The following TMPRSS11A variants were observed in gnomAD, a reference collection of about 807,000 sequenced individuals.
TMPRSS11A encodes the protein transmembrane protease serine 11A.
In TMPRSS11A, 53 loss-of-function variants were observed where a neutral mutation model predicts 58.9. The observed-to-expected ratio is 0.90, with a 90% confidence interval of 0.72 to 1.13. The LOEUF (loss-of-function observed/expected upper bound fraction) is 1.13, where lower values mean the gene tolerates loss of function less well. Among genes scored for constraint, TMPRSS11A ranks in the 50% most tolerant of loss-of-function variants. The probability of loss-of-function intolerance (pLI) is 0.00; values close to 1 mark genes in which losing one functional copy is unlikely to be tolerated. For synonymous variants in TMPRSS11A, 167 were observed against 169.8 expected (o/e 0.98, Z 0.13); for missense variants, 493 against 499.3 (o/e 0.99, Z 0.12).
chr4:67,922,276 A>C (rs185150758), intron 7 of TMPRSS11A, among the ~76,000 whole-genome samples: 2 of 152,340 alleles, frequency 1.3e-5, no homozygotes, highest in Non-Finnish European at 1.5e-5. Context: ...TCAATGCTCT[A>C]AATTTGATCT....
intron 5 of TMPRSS11A, among the ~76,000 whole-genome samples, chr4:67,927,107 C>T (rs907235484): frequency 6.6e-6 from 1 of 152,194 alleles, no homozygotes; most frequent in African/African-American, 2.4e-5. Context: ...CTTGCTCACC[C>T]TCCACTTGTC....
chr4:67,957,579 G>T (rs530921677), intron 1 of TMPRSS11A, among the ~76,000 whole-genome samples: 3 of 152,154 alleles, frequency 2.0e-5, no homozygotes, highest in South Asian at 2.1e-4. Flanking sequence ...CATCCAAAAG[G>T]TTACTTGGGT....
chr4:67,928,371 C>T (rs1720528192), intron 5 of TMPRSS11A, among the ~76,000 whole-genome samples: 1 of 152,146 alleles, frequency 6.6e-6, no homozygotes, highest in Non-Finnish European at 1.5e-5. Context: ...ATCAGGTTCT[C>T]CATTAGCATA....
At chr4:67,946,965 ATCTTTTG>A (rs771656146) in intron 1 of TMPRSS11A, among the ~76,000 whole-genome samples, 61 of 152,170 alleles carry the variant, frequency 4.0e-4, no homozygotes, top group Admixed American at 6.5e-4. Context: ...ATTTATTTTT[ATCTTTTG>A]TCTTTTATTT....
rs1037145553 is a variant in TMPRSS11A at position 67,918,979 on chromosome 4, A to G, written c.946T>C (p.Tyr316His). Residue 316 changes from tyrosine to histidine, a missense_variant, in exon 8 of 10, where the codon TAT (tyrosine) becomes CAT (histidine). Tyr to His is a moderately conservative substitution (Grantham distance 83). Transcript: ENST00000508048. ...VHITGFGALYYGGESQNDLRE... is the reference protein window; with the variant it reads ...VHITGFGALYHGGESQNDLRE... The stretch of plus-strand genomic sequence containing the variant: ...GCTATCCTGAGATACCCACCACCAT[A>G]GTAAAGTGCTCCAAATCCTGTGATG... 1 of 1,614,134 alleles carries G rather than the reference A, an allele frequency of 6.2e-7. No homozygotes were observed. Among genetic ancestry groups the G allele is most frequent in the Non-Finnish European group, 8.5e-7 (1 of 1,179,994 alleles).
intron 3 of TMPRSS11A, among the ~76,000 whole-genome samples, chr4:67,933,913 CTT>C (rs1161674972): frequency 6.6e-6 from 1 of 152,152 alleles, no homozygotes; most frequent in Admixed American, 6.6e-5. Context: ...CCATTTGTAA[CTT>C]TTTGGTGAAG....
intron 1 of TMPRSS11A, among the ~76,000 whole-genome samples, chr4:67,950,101 C>A (rs927131890): frequency 2.0e-5 from 3 of 152,198 alleles, no homozygotes; most frequent in Non-Finnish European, 4.4e-5. Flanking sequence ...CAGATCAAAG[C>A]AACACCTATT....
In TMPRSS11A at chr4:67,914,616, T is replaced by C; in HGVS notation, c.1067A>G (p.Tyr356Cys). The C allele has an allele frequency of 6.2e-7, 1 of 1,613,782 alleles. No homozygotes were observed. ...DIKPGMFCAG[Y>C]MEGIYDACRG... ...GCAGGCATCATAAATTCCTTCCATA[T>C]ATCCGGCACAGAACATTCCAGGTTT... The change falls in exon 9 of 10, where the codon TAT (tyrosine) becomes TGT (cysteine). Residue 356 changes from tyrosine to cysteine, a missense_variant. Physicochemically the swap from Tyr to Cys is radical, Grantham distance 194. Coordinates refer to ENST00000508048, the MANE Select transcript of TMPRSS11A (RefSeq NM_001114387.2).
intron 3 of TMPRSS11A, among the ~76,000 whole-genome samples, chr4:67,934,161 C>G (rs1243163874): frequency 6.6e-6 from 1 of 152,116 alleles, no homozygotes; most frequent in Non-Finnish European, 1.5e-5. Flanking sequence ...GTCTCATTTA[C>G]TACATCGGAG....
Position 67,963,404 on chromosome 4 carries a change from A to T in TMPRSS11A, c.-11T>A. On this transcript the variant is annotated 5_prime_UTR_variant, in exon 1 of 10. Transcript: ENST00000508048. ...TTACCGATACATCATGTACAGGAGGAAGAATATGATCTTGCAGGTCTGCAC... is the reference window on the plus strand; with the variant it reads ...TTACCGATACATCATGTACAGGAGGTAGAATATGATCTTGCAGGTCTGCAC... 6.2e-7 allele frequency: 1 copy of T among 1,613,790 alleles called. No individual in the cohort carries two copies.
At chr4:67,925,445 T>G (rs760474956) in intron 5 of TMPRSS11A, among the ~76,000 whole-genome samples, 1 of 152,358 alleles carries the variant, frequency 6.6e-6, no homozygotes, top group South Asian at 2.1e-4. Context: ...ACATTCTCAG[T>G]ATTCTATTCC....
At chr4:67,929,828 A>G in intron 5 of TMPRSS11A, 52 bp downstream of exon 5, 1 of 1,419,308 alleles carries the variant, frequency 7.0e-7, no homozygotes. Context: ...AGATTCGTCA[A>G]AACATGGACC....
At chr4:67,943,300 T>TTC (rs1560571375) in intron 3 of TMPRSS11A, among the ~76,000 whole-genome samples, 2 of 152,090 alleles carry the variant, frequency 1.3e-5, no homozygotes, top group Admixed American at 1.3e-4. Context: ...ACAGAATTGC[T>TTC]TAGTTAACTT....
At chr4:67,943,753 T>C (rs1481978998) in intron 3 of TMPRSS11A, among the ~76,000 whole-genome samples, 2 of 152,188 alleles carry the variant, frequency 1.3e-5, no homozygotes, top group African/African-American at 2.4e-5. Flanking sequence ...AGGTATACTA[T>C]GGACAAAGAG....
chr4:67,919,174 T>A lies in TMPRSS11A; in HGVS notation c.751A>T (p.Met251Leu). 6.2e-7 allele frequency: 1 copy of A among 1,614,154 alleles called. No individual in the cohort carries two copies. The highest frequency in any genetic ancestry group is 1.1e-5 in the South Asian group (1 of 91,088). ...SFGTKINPPL[M>L]KRNVRRFIIH... ...ATAAATCTTCTGACATTTCTTTTCATTAAGGGAGGGTTGATTTTTGTTCCA... is the reference window on the plus strand; with the variant it reads ...ATAAATCTTCTGACATTTCTTTTCAATAAGGGAGGGTTGATTTTTGTTCCA... The change falls in exon 8 of 10, where the codon ATG (methionine) becomes TTG (leucine). Residue 251 changes from methionine (M) to leucine (L), a missense_variant. Physicochemically the swap from Met to Leu is conservative, Grantham distance 15. Coordinates refer to ENST00000508048, the MANE Select transcript of TMPRSS11A (RefSeq NM_001114387.2).
At chr4:67,955,300 C>G (rs1467019836) in intron 1 of TMPRSS11A, among the ~76,000 whole-genome samples, 1 of 152,158 alleles carries the variant, frequency 6.6e-6, no homozygotes, top group East Asian at 1.9e-4. Flanking sequence ...AAATGTTCTA[C>G]TTTTCTAGAA....
chr4:67,963,307 C>T (rs967149384), intron 1 of TMPRSS11A, 76 bp downstream of exon 1: 3 of 1,507,284 alleles, frequency 2.0e-6, no homozygotes, highest in Admixed American at 3.5e-5. Flanking sequence ...ACTAGCAGTC[C>T]TCTTACACAT....
At chr4:67,949,724 T>C (rs1721113257) in intron 1 of TMPRSS11A, among the ~76,000 whole-genome samples, 1 of 152,080 alleles carries the variant, frequency 6.6e-6, no homozygotes, top group Admixed American at 6.6e-5. Flanking sequence ...TTGGGTGTGG[T>C]GGTGTACACC....
intron 1 of TMPRSS11A, among the ~76,000 whole-genome samples, chr4:67,949,864 A>G (rs1269618756): frequency 6.6e-6 from 1 of 152,160 alleles, no homozygotes; most frequent in Admixed American, 6.5e-5. Context: ...CTCAAAAAAA[A>G]GTATCATCAC....
Sources: gnomAD v4.1 joint callset for allele counts (sites outside exome capture counted in the v4.1 genomes callset) on GRCh38, gnomAD v4.1.1 for gene constraint, MANE v1.5 for transcripts, NCBI Gene and HGNC (gene_info 2026-07-23, HGNC 2026-07-21) for gene names.